The following KCNN4 variants were observed in gnomAD, a reference collection of about 807,000 sequenced individuals.
KCNN4 encodes intermediate conductance calcium-activated potassium channel protein 4.
In KCNN4, 31 loss-of-function variants were observed where a neutral mutation model predicts 45.2. That is an observed-to-expected ratio of 0.69 (90% CI 0.52 to 0.92). The LOEUF (loss-of-function observed/expected upper bound fraction) is 0.92. KCNN4 is among the 40% of genes least tolerant of loss of function. The probability of loss-of-function intolerance (pLI) is 0.00; values close to 1 mark genes in which losing one functional copy is unlikely to be tolerated. For missense variants in KCNN4, 463 were observed against 574.0 expected (o/e 0.81, Z 1.98); for synonymous variants, 231 against 254.6 (o/e 0.91, Z 0.88).
Position 43,768,971 on chromosome 19 carries a change from T to C in KCNN4, c.1111A>G (p.Ile371Val). 1.9e-6 allele frequency: 3 copies of C among 1,614,130 alleles called. No homozygotes were observed. Among genetic ancestry groups the C allele is most frequent in the Non-Finnish European group, 2.5e-6 (3 of 1,179,988 alleles). ...CCACGGGATCCTAGTACCTTGGAGA[T>C]GTCCACCATGGAGTTCACTTGTTCC... ...LREQVNSMVD[I>V]SKMHMILYDL... The change falls in exon 7 of 9, where the codon ATC (isoleucine) becomes GTC (valine). Residue 371 changes from isoleucine to valine, a missense_variant. Physicochemically the swap from Ile to Val is conservative, Grantham distance 29 (BLOSUM62 3). This residue lies in a region of KCNN4 where 129 missense variants were observed against 149.4 expected (regional missense o/e 0.86). Transcript: ENST00000648319.
chr19:43,767,289 CAG>C (rs141346629), intron 8 of KCNN4, 200 bp from the exon 9 acceptor site: 48,895 of 419,246 alleles, frequency 0.12, 1 homozygote, highest in South Asian at 0.19. Context: ...CCAGGACAGG[CAG>C]AGAGAGAGAG....
At position 43,769,665 on chromosome 19, in the gene KCNN4, G is replaced by A. The variant is rs1969588394; in HGVS notation, c.930+54C>T. 2.6e-6 allele frequency: 4 copies of A among 1,548,358 alleles called. No homozygotes were observed. The African/African-American group carries it at 4.1e-5, about 16-fold the overall frequency. On this transcript the variant is annotated intron_variant, in intron 5 of 8. Coordinates refer to ENST00000648319, the MANE Select transcript of KCNN4 (RefSeq NM_002250.3). This position sits in a 1 kb window ranked among gnomAD's most constrained non-coding sequence, Gnocchi z 4.4. ...GTCCTAGGGGAAGCAGGGGCGCCTG[G>A]ACTCCTGCTTCTTGGAAGAGGGGTG...
chr19:43,774,048 C>T lies in KCNN4; in HGVS notation c.683+144G>A. 2 of 885,148 alleles carry T rather than the reference C, an allele frequency of 2.3e-6. No individual in the cohort carries two copies. Among genetic ancestry groups the T allele is most frequent in the Non-Finnish European group, 3.4e-6 (2 of 585,274 alleles). The allele number at this position is 885,148 out of a possible 1,614,324, so 54.8% of individuals were successfully genotyped here. ...AGTTGATGGGAGTGTGGGCAAATTT[C>T]AGCCAGCAAGAGGAGAAGGGGTCAA... On this transcript the variant is annotated intron_variant, in intron 3 of 8. Coordinates refer to ENST00000648319, the MANE Select transcript of KCNN4 (RefSeq NM_002250.3). The surrounding 1 kb of genome is among the most constrained non-coding windows in gnomAD (Gnocchi z 5.6).
At position 43,774,526 on chromosome 19, in the gene KCNN4, G is replaced by A. The variant is rs772242708; in HGVS notation, c.349C>T (p.Leu117=). ...QIVLELVVCG[L]HPAPVRGPPC... is the part of the protein sequence containing the mutation. ...GGGCCCCGCACGGGCGCCGGGTGCA[G>A]CCCACACACCACCAGCTCCAGCACG... Residue 117 remains leucine, a synonymous_variant, in exon 3 of 9, where the codon CTG becomes TTG. Coordinates refer to ENST00000648319, the MANE Select transcript of KCNN4 (RefSeq NM_002250.3). This position sits in a 1 kb window ranked among gnomAD's most constrained non-coding sequence, Gnocchi z 5.6. 3 of 1,596,648 alleles carry A rather than the reference G, an allele frequency of 1.9e-6. No homozygotes were observed. Among genetic ancestry groups the A allele is most frequent in the Non-Finnish European group, 2.6e-6 (3 of 1,175,922 alleles).
chr19:43,774,764 G>A lies in KCNN4; in HGVS notation c.256-145C>T, dbSNP rs78715017. 2.3e-3 allele frequency: 1,418 copies of A among 623,590 alleles called. 30 individuals are homozygous for A. The East Asian group carries it at 0.038, about 17-fold the overall frequency. 38.6% of individuals were successfully genotyped at this position (623,590 alleles called of 1,614,324 possible). A position where few individuals can be genotyped will look rare whatever the true frequency, so the allele number is the denominator to read the frequency against. On this transcript the variant is annotated intron_variant, in intron 2 of 8. Transcript: ENST00000648319. This position sits in a 1 kb window ranked among gnomAD's most constrained non-coding sequence, Gnocchi z 5.6. ...GAGTGCAGGGCGGGAGAGGGATAGG[G>A]AGGGAGCGGGACAGGACTTGAGGAA...
At position 43,776,634 on chromosome 19, in the gene KCNN4, C is replaced by T; in HGVS notation, c.162G>A (p.Trp54Ter). Residue 54 changes from tryptophan (W) to a stop codon, truncating the protein, a stop_gained and splice_region_variant, in exon 2 of 9, where the codon TGG (tryptophan) becomes TGA (stop). Transcript: ENST00000648319. LOFTEE classifies it high-confidence loss of function. Reference sequence around the variant, plus strand: ...ATTTAACCAGGAACAGGTAGAGCGCCCACTGTCAGGGGGGACGGAAAAAGC... The same window carrying T: ...ATTTAACCAGGAACAGGTAGAGCGCTCACTGTCAGGGGGGACGGAAAAAGC... ...AEMLWFGGCS[W>*]ALYLFLVKCT... 1 of 1,609,536 alleles carries T rather than the reference C, an allele frequency of 6.2e-7. No homozygotes were observed. The highest frequency in any genetic ancestry group is 8.5e-7 in the Non-Finnish European group (1 of 1,175,916).
intron 1 of KCNN4, 60 bp downstream of exon 1, chr19:43,780,643 C>T (rs1476805166): frequency 2.6e-5 from 34 of 1,285,964 alleles, no homozygotes; most frequent in Admixed American, 1.1e-4. Context: ...AGTCCTGACC[C>T]CCAGCCCCTC....
chr19:43,778,055 A>G (rs1384619062), intron 1 of KCNN4, among the ~76,000 whole-genome samples: 1 of 151,572 alleles, frequency 6.6e-6, no homozygotes, highest in Non-Finnish European at 1.5e-5. Flanking sequence ...CCACACCACT[A>G]GACAACAAGC....
intron 4 of KCNN4, among the ~76,000 whole-genome samples, chr19:43,770,796 C>G (rs954374795): frequency 6.6e-6 from 1 of 152,198 alleles, no homozygotes; most frequent in African/African-American, 2.4e-5. Flanking sequence ...TGCCATGGAG[C>G]CTTTCTTCCA....
chr19:43,777,025 T>C (rs1341797395), intron 1 of KCNN4, among the ~76,000 whole-genome samples: 2 of 152,082 alleles, frequency 1.3e-5, no homozygotes. Context: ...GAAGTTGCAG[T>C]GAGCTGAGAG....
rs1183458752 is a variant in KCNN4 at position 43,780,802 on chromosome 19, C to A, written c.60G>T (p.Glu20Asp). ...CCCAGCCGGCCAGAGACTTCTCCTG[C>A]TCCAGCAAGCGCTTTCGGCGTCTCA... The part of the protein sequence containing the change: ...GALRRRKRLL[E>D]QEKSLAGWAL... Residue 20 changes from glutamate (E) to aspartate (D), a missense_variant, in exon 1 of 9, where the codon GAG becomes GAT. Around this residue, in one of 3 missense-constraint regions of KCNN4, gnomAD observed 225 missense variants for 240.9 expected, o/e 0.93. Transcript: ENST00000648319. 1.2e-6 allele frequency: 2 copies of A among 1,613,930 alleles called. No homozygotes were observed. The highest frequency in any genetic ancestry group is 3.3e-5 in the Admixed American group (2 of 60,000).
chr19:43,769,708 G>T lies in KCNN4; in HGVS notation c.930+11C>A. On this transcript the variant is annotated intron_variant, in intron 5 of 8. Transcript: ENST00000648319. The surrounding 1 kb of genome is among the most constrained non-coding windows in gnomAD (Gnocchi z 4.4). ...GAGGGGTGTCCCATGGGTGCCATAT[G>T]CCCATCTCACCTCTTTGGTATACTG... 1 of 1,602,878 alleles carries T rather than the reference G, an allele frequency of 6.2e-7. No individual in the cohort carries two copies. The highest frequency in any genetic ancestry group is 8.5e-7 in the Non-Finnish European group (1 of 1,170,310).
chr19:43,776,521 A>AGG lies in KCNN4; in HGVS notation c.255+18_255+19dup, dbSNP rs760179047. The AGG allele has an allele frequency of 3.9e-6, 6 of 1,555,400 alleles. No individual in the cohort carries two copies. In the South Asian group the frequency reaches 5.6e-5, roughly 14 times the overall value. On this transcript the variant is annotated intron_variant, in intron 2 of 8. Coordinates refer to ENST00000648319, the MANE Select transcript of KCNN4 (RefSeq NM_002250.3). ...GAGGGGGTTGGAGGGAGCAAGGCTT[A>AGG]GGGGCGGGGCCTGCCCTACCTGGAC...
At chr19:43,767,839 T>C in intron 7 of KCNN4, 132 bp from the exon 8 acceptor site, 1 of 1,138,628 alleles carries the variant, frequency 8.8e-7, no homozygotes, top group Non-Finnish European at 1.3e-6. Flanking sequence ...CAATAACTGT[T>C]ACCATGTATT....
At chr19:43,773,340 G>A (rs1423791277) in intron 3 of KCNN4, among the ~76,000 whole-genome samples, 5 of 152,192 alleles carry the variant, frequency 3.3e-5, no homozygotes, top group African/African-American at 1.2e-4. Flanking sequence ...AACGTGACAT[G>A]CATTTTTCAG....
At chr19:43,771,801 T>G (rs771496571) in intron 4 of KCNN4, among the ~76,000 whole-genome samples, 199 bp downstream of exon 4, 13 of 152,326 alleles carry the variant, frequency 8.5e-5, no homozygotes, top group Middle Eastern at 6.8e-3. Flanking sequence ...TCCTCCCACC[T>G]TGGCCTCCCA....
Position 43,769,394 on chromosome 19 carries a change from T to C in KCNN4, c.1049+48A>G, listed in dbSNP as rs201361871. ...ACACACAGCCGTGCAGAGAGGTGACTTGGACATGGGTGCACATGGACACGT... is the reference window on the plus strand; with the variant it reads ...ACACACAGCCGTGCAGAGAGGTGACCTGGACATGGGTGCACATGGACACGT... On this transcript the variant is annotated intron_variant, in intron 6 of 8. Coordinates refer to ENST00000648319, the MANE Select transcript of KCNN4 (RefSeq NM_002250.3). This position sits in a 1 kb window ranked among gnomAD's most constrained non-coding sequence, Gnocchi z 4.4. The C allele has an allele frequency of 1.4e-6, 2 of 1,470,640 alleles. No homozygotes were observed. Among genetic ancestry groups the C allele is most frequent in the East Asian group, 4.5e-5 (2 of 44,076 alleles). The allele number at this position is 1,470,640 out of a possible 1,614,324, so 91.1% of individuals were successfully genotyped here.
rs1329707283 is a variant in KCNN4, at chr19:43,769,476, T to C, written c.1015A>G (p.Arg339Gly). The C allele has an allele frequency of 1.2e-6, 2 of 1,614,198 alleles. No homozygotes were observed. Among genetic ancestry groups the C allele is most frequent in the Non-Finnish European group, 1.7e-6 (2 of 1,180,020 alleles). ...TRRKESHAAR[R>G]HQRKLLAAIN... ...GCGGCCAGCAGCTTGCGCTGATGCCTGCGGGCAGCATGAGACTCCTTCCTG... is the reference window on the plus strand; with the variant it reads ...GCGGCCAGCAGCTTGCGCTGATGCCCGCGGGCAGCATGAGACTCCTTCCTG... The change falls in exon 6 of 9, where the codon AGG becomes GGG. Residue 339 changes from arginine to glycine, a missense_variant. Physicochemically the swap from Arg to Gly is moderately radical, Grantham distance 125 (BLOSUM62 -2). Coordinates refer to ENST00000648319, the MANE Select transcript of KCNN4 (RefSeq NM_002250.3). This position sits in a 1 kb window ranked among gnomAD's most constrained non-coding sequence, Gnocchi z 4.4.
Position 43,780,963 on chromosome 19 carries a change from C to T in KCNN4, c.-102G>A. On this transcript the variant is annotated 5_prime_UTR_variant, in exon 1 of 9. Transcript: ENST00000648319. ...GTGGCTTGCAGGTCGTCAGCCTGCT[C>T]TGCTGGCTCTGGGACTTTTGCTCTG... 1 of 1,191,450 alleles carries T rather than the reference C, an allele frequency of 8.4e-7. No homozygotes were observed. The highest frequency in any genetic ancestry group is 2.4e-5 in the East Asian group (1 of 41,956). 73.8% of individuals were successfully genotyped at this position (1,191,450 alleles called of 1,614,324 possible).
Sources: gnomAD v4.1 joint callset for allele counts (sites outside exome capture counted in the v4.1 genomes callset) on GRCh38, gnomAD v4.1.1 for gene constraint, gnomAD v4.1.1 regional missense constraint, Gnocchi (gnomAD v3.1) non-coding constraint, MANE v1.5 for transcripts, NCBI Gene and HGNC (gene_info 2026-07-23, HGNC 2026-07-21) for gene names.